FGF14: variants seen among roughly 807,000 people sequenced by gnomAD.
FGF14 encodes fibroblast growth factor 14, also known as fibroblast growth factor homologous factor 4.
FGF14 carries 5 observed loss-of-function variants against 25.5 expected under a neutral mutation model. The ratio of observed to expected loss-of-function variants is 0.20; its 90% CI spans 0.10 to 0.41. The LOEUF (loss-of-function observed/expected upper bound fraction) is 0.41, where lower values mean the gene tolerates loss of function less well. FGF14 is among the 10% of genes least tolerant of loss of function. The pLI, the probability that FGF14 is intolerant of heterozygous loss-of-function variation, is 1.00. For synonymous variants in FGF14, 138 were observed against 118.3 expected, an observed-to-expected ratio of 1.17 and a Z score of -1.08; for missense variants, 222 against 320.1, an observed-to-expected ratio of 0.69 and a Z score of 2.34.
chr13:102,384,846 C>T (rs2058264299), intron 1 of FGF14, among the ~76,000 whole-genome samples: 2 of 152,116 alleles, frequency 1.3e-5, no homozygotes, highest in Non-Finnish European at 2.9e-5. Flanking sequence ...AATCTCCTCC[C>T]TGCTTACAAA....
chr13:102,022,123 C>A (rs371164970), intron 1 of FGF14, among the ~76,000 whole-genome samples: 34 of 151,454 alleles, frequency 2.2e-4, no homozygotes, highest in Admixed American at 4.6e-4. Flanking sequence ...TTAAGCAGCA[C>A]CCCCACCCCC....
At chr13:102,219,723 A>C (rs1365238504) in intron 1 of FGF14, among the ~76,000 whole-genome samples, 1 of 152,176 alleles carries the variant, frequency 6.6e-6, no homozygotes, top group African/African-American at 2.4e-5. Flanking sequence ...AATTCTATTA[A>C]ATGATCAAAG....
chr13:101,782,276 A>G (rs2039545401), intron 3 of FGF14, among the ~76,000 whole-genome samples: 1 of 152,224 alleles, frequency 6.6e-6, no homozygotes, highest in Non-Finnish European at 1.5e-5. Context: ...AATTATGTCT[A>G]TATATTGCAC....
chr13:102,209,426 C>T (rs745472495), intron 1 of FGF14, among the ~76,000 whole-genome samples: 31 of 152,262 alleles, frequency 2.0e-4, no homozygotes, highest in Non-Finnish European at 3.4e-4. Flanking sequence ...TTGCATTTTC[C>T]GCACTATACA....
intron 1 of FGF14, among the ~76,000 whole-genome samples, chr13:102,095,410 C>G (rs2044348548): frequency 6.6e-6 from 1 of 152,016 alleles, no homozygotes; most frequent in African/African-American, 2.4e-5. Context: ...GACATAGGCC[C>G]CTCTATGAGA....
chr13:101,965,243 T>C (rs1263452550), intron 1 of FGF14, among the ~76,000 whole-genome samples: 1 of 141,382 alleles, frequency 7.1e-6, no homozygotes, highest in Non-Finnish European at 1.5e-5. Flanking sequence ...AGCAAGACTG[T>C]CTAAAAAAAA....
chr13:102,380,419 C>G (rs570025053), intron 1 of FGF14, among the ~76,000 whole-genome samples: 2 of 152,222 alleles, frequency 1.3e-5, no homozygotes, highest in East Asian at 3.9e-4. Context: ...CATGAAGTCC[C>G]TTTTGCTATC....
At chr13:102,049,048 A>G (rs767558346) in intron 1 of FGF14, among the ~76,000 whole-genome samples, 2 of 152,062 alleles carry the variant, frequency 1.3e-5, no homozygotes, top group Non-Finnish European at 2.9e-5. Flanking sequence ...AAACTAAGAC[A>G]TATGTCTCCT....
chr13:102,056,281 T>A (rs989771636), intron 1 of FGF14, among the ~76,000 whole-genome samples: 4 of 152,232 alleles, frequency 2.6e-5, no homozygotes, highest in Admixed American at 2.6e-4. Flanking sequence ...ATAACTCTTA[T>A]CTGCCCTTGA....
intron 1 of FGF14, among the ~76,000 whole-genome samples, chr13:101,949,387 A>G (rs1387643712): frequency 1.3e-5 from 2 of 151,946 alleles, no homozygotes; most frequent in Non-Finnish European, 2.9e-5. Flanking sequence ...TTGCTTTCCT[A>G]TTCTTCCTGA....
At chr13:102,086,136 A>C (rs543350308) in intron 1 of FGF14, among the ~76,000 whole-genome samples, 1 of 152,354 alleles carries the variant, frequency 6.6e-6, no homozygotes, top group East Asian at 1.9e-4. Context: ...TAAAAGCTAA[A>C]AACAATGCTT....
intron 1 of FGF14, among the ~76,000 whole-genome samples, chr13:102,160,918 C>G (rs373862312): frequency 1.3e-5 from 2 of 152,134 alleles, no homozygotes; most frequent in South Asian, 4.1e-4. Flanking sequence ...TACAACTCAA[C>G]GGAAGAACTC....
In FGF14 at chr13:102,236,027, A is replaced by C. The variant is rs74401856; in HGVS notation, c.208+165444T>G. Among the ~76,000 whole-genome samples the C allele has an allele frequency of 9.7e-3, 1,473 of 152,348 alleles. 17 individuals carry two copies. Among genetic ancestry groups the C allele is most frequent in the Non-Finnish European group, 0.011 (760 of 68,038 alleles). On this transcript the variant is annotated intron_variant, in intron 1 of 4. Coordinates refer to the FGF14 transcript ENST00000376131. ...AATTCTTGTGGAAGATAATAGTTACACAAAGCTTGGCAATCCTTTGTCAGG... is the reference window on the plus strand; with the variant it reads ...AATTCTTGTGGAAGATAATAGTTACCCAAAGCTTGGCAATCCTTTGTCAGG...
intron 1 of FGF14, among the ~76,000 whole-genome samples, chr13:102,135,017 CCACACACACACACACACACACACA>C (rs71125050): frequency 1.5e-4 from 21 of 142,660 alleles, no homozygotes; most frequent in African/African-American, 3.7e-4. Context: ...GACCCCGTGT[CCACACACACACACACACACACACA>C]CACACACACA....
chr13:102,048,529 C>A (rs1217262131), intron 1 of FGF14, among the ~76,000 whole-genome samples: 4 of 152,112 alleles, frequency 2.6e-5, no homozygotes, highest in Non-Finnish European at 1.5e-5. Context: ...CAGTGACTTG[C>A]CCGCTGTCGT....
rs567002701 is a variant in FGF14 at position 101,899,278 on chromosome 13, A to G, written c.193+17175T>C. On this transcript the variant is annotated intron_variant, in intron 1 of 4. Coordinates refer to ENST00000376143, the MANE Select transcript of FGF14 (RefSeq NM_004115.4). ...TTCTTTCTAAAATGTCCAACACTCA[A>G]TTAAAACTACTGAAATTGCCAAAGA... 7.9e-4 allele frequency among the ~76,000 whole-genome samples: 120 copies of G among 152,260 alleles called. 1 individual carries two copies. Among genetic ancestry groups the G allele is most frequent in the Middle Eastern group, 3.4e-3 (1 of 294 alleles).
chr13:101,963,945 T>C (rs956119981), intron 1 of FGF14, among the ~76,000 whole-genome samples: 1 of 152,196 alleles, frequency 6.6e-6, no homozygotes, highest in Non-Finnish European at 1.5e-5. Context: ...AAACACTTTG[T>C]GTGAGGAAAG....
At chr13:102,204,542 T>TA (rs2049818202) in intron 1 of FGF14, among the ~76,000 whole-genome samples, 1 of 152,054 alleles carries the variant, frequency 6.6e-6, no homozygotes, top group Admixed American at 6.6e-5. Context: ...TCTTTTATTT[T>TA]ATTTTATTTT....
chr13:101,979,490 G>A (rs2038122039), intron 1 of FGF14, among the ~76,000 whole-genome samples: 1 of 152,086 alleles, frequency 6.6e-6, no homozygotes, highest in Non-Finnish European at 1.5e-5. Context: ...GAAAACCGAG[G>A]AACAGAGAGT....
Sources: gnomAD v4.1 joint callset for allele counts (sites outside exome capture counted in the v4.1 genomes callset) on GRCh38, gnomAD v4.1.1 for gene constraint, MANE v1.5 for transcripts, NCBI Gene and HGNC (gene_info 2026-07-23, HGNC 2026-07-21) for gene names.